MIPOL1: variants seen among roughly 807,000 people sequenced by gnomAD.
MIPOL1 encodes mirror-image polydactyly 1.
In MIPOL1, 57 loss-of-function variants were observed where a neutral mutation model predicts 60.9. That is an observed-to-expected ratio of 0.94 (90% CI 0.76 to 1.17). The LOEUF (loss-of-function observed/expected upper bound fraction) is 1.17. Among genes scored for constraint, MIPOL1 ranks in the 50% most tolerant of loss-of-function variants. MIPOL1 has a pLI of 0.00. For missense variants in MIPOL1, 551 were observed against 511.6 expected, an observed-to-expected ratio of 1.08 and a Z score of -0.74; for synonymous variants, 179 against 168.8, an observed-to-expected ratio of 1.06 and a Z score of -0.47.
intron 1 of MIPOL1, among the ~76,000 whole-genome samples, chr14:37,229,313 A>T (rs996003271): frequency 1.3e-5 from 2 of 152,036 alleles, no homozygotes; most frequent in African/African-American, 2.4e-5. Flanking sequence ...TACCACACCC[A>T]GCTAGTATTT....
At chr14:37,522,391 A>G (rs1452378792) in intron 12 of MIPOL1, among the ~76,000 whole-genome samples, 1 of 152,224 alleles carries the variant, frequency 6.6e-6, no homozygotes, top group Non-Finnish European at 1.5e-5. Flanking sequence ...GACAAAGTGT[A>G]CAACTTAAAA....
intron 3 of MIPOL1, 111 bp downstream of exon 3, chr14:37,248,018 G>GCA (rs201928271): frequency 6.1e-5 from 59 of 963,510 alleles, no homozygotes; most frequent in African/African-American, 1.8e-4. Flanking sequence ...AGACAAGTGC[G>GCA]CACACACACA....
intron 12 of MIPOL1, among the ~76,000 whole-genome samples, chr14:37,519,658 CTG>C (rs1335379182): frequency 6.6e-6 from 1 of 151,936 alleles, no homozygotes; most frequent in Non-Finnish European, 1.5e-5. Context: ...GAAAAAGACA[CTG>C]TTACAGGGGA....
rs1201538095 is a variant in MIPOL1, at chr14:37,522,609, C to T, written c.1262+22471C>T. On this transcript the variant is annotated intron_variant, in intron 12 of 12. Transcript: ENST00000684589. ...TGTAACCAATAAATCAATAAATCCTCATTGTAATGTGTAAACTCCCATCTC... is the reference window on the plus strand; with the variant it reads ...TGTAACCAATAAATCAATAAATCCTTATTGTAATGTGTAAACTCCCATCTC... 1.4e-4 allele frequency among the ~76,000 whole-genome samples: 22 copies of T among 152,136 alleles called. 1 individual carries two copies. Among genetic ancestry groups the T allele is most frequent in the Admixed American group, 1.4e-3 (22 of 15,276 alleles).
intron 6 of MIPOL1, among the ~76,000 whole-genome samples, chr14:37,284,537 G>A (rs1388831502): frequency 6.6e-6 from 1 of 152,052 alleles, no homozygotes; most frequent in Non-Finnish European, 1.5e-5. Flanking sequence ...TAGAGACGGG[G>A]TTTCACCATG....
intron 11 of MIPOL1, among the ~76,000 whole-genome samples, chr14:37,478,638 A>C (rs2094814371): frequency 6.6e-6 from 1 of 152,166 alleles, no homozygotes; most frequent in African/African-American, 2.4e-5. Context: ...TGAAAAAAAA[A>C]CCAAGACCCA....
chr14:37,419,767 G>A (rs1483638585), intron 10 of MIPOL1, among the ~76,000 whole-genome samples: 1 of 151,696 alleles, frequency 6.6e-6, no homozygotes, highest in African/African-American at 2.4e-5. Flanking sequence ...TAGAGACAGG[G>A]TCTCACTTTG....
intron 12 of MIPOL1, among the ~76,000 whole-genome samples, chr14:37,522,075 T>C (rs2153631625): frequency 6.6e-6 from 1 of 151,682 alleles, no homozygotes; most frequent in African/African-American, 2.4e-5. Flanking sequence ...TTTAACACAT[T>C]TTATTGTTTA....
At chr14:37,265,081 C>T (rs1299731835) in intron 3 of MIPOL1, 2 of 152,144 alleles carry the variant, frequency 1.3e-5, no homozygotes, top group African/African-American at 2.4e-5. Context: ...CTTGTCATTT[C>T]AATACAAGAA....
chr14:37,481,560 AACACACACACACACAC>A (rs3062719), intron 11 of MIPOL1, among the ~76,000 whole-genome samples: 122 of 113,194 alleles, frequency 1.1e-3, no homozygotes, highest in East Asian at 6.7e-3. Flanking sequence ...GACCCCCCCC[AACACACACACACACAC>A]ACACACACAC....
At position 37,472,442 on chromosome 14, in the gene MIPOL1, C is replaced by G. The variant is rs372127328; in HGVS notation, c.1032-27466C>G. Reference sequence around the variant, plus strand: ...TAATTTCCAATTATGGAGAAACTAACTAGTGAGAGTGTGCAGAGCACCTCA... The same window carrying G: ...TAATTTCCAATTATGGAGAAACTAAGTAGTGAGAGTGTGCAGAGCACCTCA... On this transcript the variant is annotated intron_variant, in intron 11 of 12. Transcript: ENST00000684589. Among the ~76,000 whole-genome samples, 30 of 137,350 alleles carry G rather than the reference C, an allele frequency of 2.2e-4. No individual in the cohort carries two copies. In the East Asian group the frequency reaches 6.3e-3, roughly 29 times the overall value. 90.1% of individuals were successfully genotyped at this position (137,350 alleles called of 152,430 possible).
intron 3 of MIPOL1, among the ~76,000 whole-genome samples, chr14:37,264,680 G>T (rs2082744495): frequency 3.3e-5 from 5 of 152,012 alleles, no homozygotes; most frequent in Admixed American, 3.3e-4. Context: ...AAGCAAGCAT[G>T]ATAAAATGTT....
At position 37,321,250 on chromosome 14, in the gene MIPOL1, A is replaced by C. The variant is rs542056856; in HGVS notation, c.828+12731A>C. Among the ~76,000 whole-genome samples, 3 of 152,066 alleles carry C rather than the reference A, an allele frequency of 2.0e-5. No homozygotes were observed. The East Asian group carries it at 5.8e-4, about 29-fold the overall frequency. Reference sequence around the variant, plus strand: ...TTTATATACTGCTTTGCATCCCATAAATTTTTGATATGCCATTTCTCATTA... The same window carrying C: ...TTTATATACTGCTTTGCATCCCATACATTTTTGATATGCCATTTCTCATTA... On this transcript the variant is annotated intron_variant, in intron 9 of 12. Coordinates refer to ENST00000684589, the MANE Select transcript of MIPOL1 (RefSeq NM_001388067.1).
At chr14:37,497,711 G>A (rs926098028) in intron 11 of MIPOL1, among the ~76,000 whole-genome samples, 8 of 152,080 alleles carry the variant, frequency 5.3e-5, no homozygotes, top group East Asian at 1.9e-4. Context: ...AAGACAATAC[G>A]AAGAGAATGA....
At chr14:37,370,481 G>A (rs1026741520) in intron 10 of MIPOL1, among the ~76,000 whole-genome samples, 1 of 152,068 alleles carries the variant, frequency 6.6e-6, no homozygotes, top group African/African-American at 2.4e-5. Flanking sequence ...ATTCTACTTT[G>A]CTGTCTTAAA....
intron 11 of MIPOL1, among the ~76,000 whole-genome samples, chr14:37,496,400 C>A (rs1217377496): frequency 4.8e-5 from 7 of 146,354 alleles, no homozygotes; most frequent in African/African-American, 1.5e-4. Flanking sequence ...ATCTAGAAAA[C>A]CCCATTGTCT....
At chr14:37,371,707 T>G (rs2153499231) in intron 10 of MIPOL1, among the ~76,000 whole-genome samples, 1 of 152,296 alleles carries the variant, frequency 6.6e-6, no homozygotes. Context: ...CCATATTTCC[T>G]CATGAGAAGC....
intron 1 of MIPOL1, among the ~76,000 whole-genome samples, chr14:37,199,714 G>A (rs1048101547): frequency 1.3e-5 from 2 of 151,902 alleles, no homozygotes; most frequent in South Asian, 2.1e-4. Context: ...TAGTAAAGAC[G>A]GGGTTTCACC....
intron 10 of MIPOL1, among the ~76,000 whole-genome samples, chr14:37,386,551 TA>T (rs929721594): frequency 3.4e-5 from 5 of 148,774 alleles, no homozygotes; most frequent in Admixed American, 6.7e-5. Flanking sequence ...GTCTTCTCCC[TA>T]AAAAAAAAAT....
Sources: allele counts gnomAD v4.1 joint callset (sites outside exome capture counted in the v4.1 genomes callset), GRCh38; gene constraint gnomAD v4.1.1; transcripts MANE v1.5; gene names NCBI Gene and HGNC (gene_info 2026-07-23, HGNC 2026-07-21).